The following PNLDC1 variants were observed in gnomAD, a reference collection of about 807,000 sequenced individuals.
PNLDC1 encodes PARN like ribonuclease domain containing exonuclease 1.
Under a neutral mutation model 82.0 loss-of-function variants are expected in PNLDC1, and 70 were observed. The ratio of observed to expected loss-of-function variants is 0.85; its 90% CI spans 0.70 to 1.04. PNLDC1 has a LOEUF of 1.04. Among genes scored for constraint, PNLDC1 ranks in the 50% least tolerant of loss-of-function variants. The pLI, the probability that PNLDC1 is intolerant of heterozygous loss-of-function variation, is 0.00. For missense variants in PNLDC1, 631 were observed against 661.1 expected (o/e 0.95, Z 0.50); for synonymous variants, 280 against 249.3 (o/e 1.12, Z -1.16).
intron 11 of PNLDC1, among the ~76,000 whole-genome samples, chr6:159,813,204 T>C (rs760363479): frequency 5.9e-5 from 9 of 152,238 alleles, no homozygotes; most frequent in Non-Finnish European, 1.2e-4. Flanking sequence ...TATTTCCAGC[T>C]ACTATGAACT....
Position 159,820,702 on chromosome 6 carries a change from G to T in PNLDC1, c.*185G>T, listed in dbSNP as rs73589383. ...AATGATAAATCAGTCCTTAGATATC[G>T]TACCTGTATGTGTGGTCAGAACTTT... On this transcript the variant is annotated 3_prime_UTR_variant, in exon 19 of 19. Transcript: ENST00000392167. The T allele has an allele frequency of 3.3e-6, 2 of 613,638 alleles. No homozygotes were observed. Among genetic ancestry groups the T allele is most frequent in the Non-Finnish European group, 5.8e-6 (2 of 345,584 alleles). The allele number at this position is 613,638 out of a possible 1,614,324, so 38.0% of individuals were successfully genotyped here. A position where few individuals can be genotyped will look rare whatever the true frequency, so the allele number is the denominator to read the frequency against.
Position 159,800,313 on chromosome 6 carries a change from C to T in PNLDC1, c.6C>T (p.Asp2=), listed in dbSNP as rs1242053081. ...CTCCGCGGAGCTGCACGGCCATGGA[C>T]GTGGGCGCCGACGAGTTCGAGGAGA... is the stretch of plus-strand genomic sequence containing the variant. M[D]VGADEFEESL... The change falls in exon 1 of 19, where the codon GAC becomes GAT. Residue 2 remains aspartate (D), a synonymous_variant. Transcript: ENST00000392167. 1.5e-5 allele frequency: 23 copies of T among 1,547,066 alleles called. No homozygotes were observed. The highest frequency in any genetic ancestry group is 2.0e-5 in the Non-Finnish European group (23 of 1,145,872).
chr6:159,811,285 A>G lies in PNLDC1; in HGVS notation c.854-416A>G, dbSNP rs117247974. ...ATAACTTTACCAACTGAGTTCTTGC[A>G]TAAATTTTCTTTTATCAGGACACTT... On this transcript the variant is annotated intron_variant, in intron 10 of 18. Transcript: ENST00000392167. Among the ~76,000 whole-genome samples, 18 of 152,350 alleles carry G rather than the reference A, an allele frequency of 1.2e-4. 1 individual carries two copies. The East Asian group carries it at 3.5e-3, about 29-fold the overall frequency.
chr6:159,819,610 G>T lies in PNLDC1; in HGVS notation c.1532+258G>T, dbSNP rs1583187371. ...ATCCCTGCTCTCGTGGAGCTCACGTGCTGGGGGAGACAAACAGGATAAACA... is the reference window on the plus strand; with the variant it reads ...ATCCCTGCTCTCGTGGAGCTCACGTTCTGGGGGAGACAAACAGGATAAACA... On this transcript the variant is annotated intron_variant, in intron 18 of 18. Coordinates refer to ENST00000392167, the MANE Select transcript of PNLDC1 (RefSeq NM_001271862.2). This position sits in a 1 kb window ranked among gnomAD's most constrained non-coding sequence, Gnocchi z 4.6. Among the ~76,000 whole-genome samples, 1 of 152,242 alleles carries T rather than the reference G, an allele frequency of 6.6e-6. No homozygotes were observed. The highest frequency in any genetic ancestry group is 1.5e-5 in the Non-Finnish European group (1 of 68,044).
rs111502653 is a variant in PNLDC1, at chr6:159,819,565, C to T, written c.1532+213C>T. Among the ~76,000 whole-genome samples, 51 of 152,326 alleles carry T rather than the reference C, an allele frequency of 3.3e-4. 1 individual carries two copies. The highest frequency in any genetic ancestry group is 6.8e-3 in the Middle Eastern group (2 of 294). On this transcript the variant is annotated intron_variant, in intron 18 of 18. Coordinates refer to ENST00000392167, the MANE Select transcript of PNLDC1 (RefSeq NM_001271862.2). The surrounding 1 kb of genome is among the most constrained non-coding windows in gnomAD (Gnocchi z 4.6). ...GCTGGGCACCATCGTAGTTCTAGGG[C>T]CTCGTCAGTGAAGCAGAAAATCCCT... is the stretch of plus-strand genomic sequence containing the variant.
chr6:159,814,987 AG>A (rs1781766522), intron 12 of PNLDC1, among the ~76,000 whole-genome samples: 1 of 152,194 alleles, frequency 6.6e-6, no homozygotes, highest in Non-Finnish European at 1.5e-5. Flanking sequence ...TGGGGACATT[AG>A]GGGTCAGGAG....
In PNLDC1 at chr6:159,819,953, G is replaced by T. The variant is rs1781981585; in HGVS notation, c.1533-501G>T. Among the ~76,000 whole-genome samples the T allele has an allele frequency of 6.6e-6, 1 of 152,144 alleles. No homozygotes were observed. ...GAATCGCGGAAGTTACAGCAAGAAG[G>T]TCTATAACCCGACTCAGGTTGTCTT... On this transcript the variant is annotated intron_variant, in intron 18 of 18. Coordinates refer to ENST00000392167, the MANE Select transcript of PNLDC1 (RefSeq NM_001271862.2). This position sits in a 1 kb window ranked among gnomAD's most constrained non-coding sequence, Gnocchi z 4.6.
At position 159,803,969 on chromosome 6, in the gene PNLDC1, A is replaced by G. The variant is rs927874749; in HGVS notation, c.253A>G (p.Ile85Val). ...SAIEGEANKY[I>V]AHSCNFYLFP... ...TGTATGTTTGTTTTATTATAGGTAT[A>G]TAGCCCATTCTTGTAACTTCTATCT... Residue 85 changes from isoleucine (I) to valine (V), a missense_variant, in exon 5 of 19, where the codon ATA becomes GTA. Ile to Val is a conservative substitution (Grantham distance 29, BLOSUM62 3). Transcript: ENST00000392167. 3.7e-6 allele frequency: 6 copies of G among 1,613,578 alleles called. No individual in the cohort carries two copies. The highest frequency in any genetic ancestry group is 5.1e-6 in the Non-Finnish European group (6 of 1,179,680).
intron 12 of PNLDC1, among the ~76,000 whole-genome samples, chr6:159,814,719 C>T (rs140101886): frequency 3.3e-5 from 5 of 152,250 alleles, no homozygotes; most frequent in South Asian, 2.1e-4. Flanking sequence ...CCAGCTTTGC[C>T]ACTCACTGGT....
Position 159,803,317 on chromosome 6 carries a change from A to G in PNLDC1, c.248+7A>G. ...TTGAAGGAGAGGCAAACAAGTATGT[A>G]TCAAGAGCTTCTGCAAACATAGGTG... On this transcript the variant is annotated splice_region_variant and intron_variant, in intron 4 of 18. Coordinates refer to ENST00000392167, the MANE Select transcript of PNLDC1 (RefSeq NM_001271862.2). The G allele has an allele frequency of 3.7e-6, 6 of 1,612,192 alleles. No homozygotes were observed. Among genetic ancestry groups the G allele is most frequent in the Non-Finnish European group, 5.1e-6 (6 of 1,178,332 alleles).
intron 3 of PNLDC1, among the ~76,000 whole-genome samples, chr6:159,802,653 TCCCTGCAACAC>T (rs1415791258): frequency 3.3e-5 from 5 of 152,184 alleles, no homozygotes; most frequent in African/African-American, 1.2e-4. Flanking sequence ...CGATCTTGGC[TCCCTGCAACAC>T]CCTTGCCTCC....
At position 159,811,800 on chromosome 6, in the gene PNLDC1, C is replaced by T. The variant is rs760337244; in HGVS notation, c.939+14C>T. ...GATATCTGGAAGGTAATGAATAGAACTGCTTTGGGTTAAGAACTGCTTTTT... is the reference window on the plus strand; with the variant it reads ...GATATCTGGAAGGTAATGAATAGAATTGCTTTGGGTTAAGAACTGCTTTTT... On this transcript the variant is annotated intron_variant, in intron 11 of 18. Coordinates refer to ENST00000392167, the MANE Select transcript of PNLDC1 (RefSeq NM_001271862.2). The T allele has an allele frequency of 1.3e-6, 2 of 1,584,290 alleles. No homozygotes were observed. Among genetic ancestry groups the T allele is most frequent in the Non-Finnish European group, 1.7e-6 (2 of 1,153,390 alleles).
chr6:159,811,645 T>C, intron 10 of PNLDC1, 56 bp from the exon 11 acceptor site: 3 of 1,393,924 alleles, frequency 2.2e-6, no homozygotes, highest in Non-Finnish European at 3.1e-6. Context: ...GAATGTTCCT[T>C]CCCATTTTTG....
chr6:159,800,431 C>G, intron 1 of PNLDC1, 48 bp downstream of exon 1: 1 of 1,526,896 alleles, frequency 6.5e-7, no homozygotes, highest in Non-Finnish European at 8.8e-7. Context: ...CCCCTTGCCC[C>G]GGGCGAGCTT....
chr6:159,809,135 C>G lies in PNLDC1; in HGVS notation c.760C>G (p.Gln254Glu), dbSNP rs371427574. 16 of 1,613,872 alleles carry G rather than the reference C, an allele frequency of 9.9e-6. No homozygotes were observed. Among genetic ancestry groups the G allele is most frequent in the Non-Finnish European group, 1.4e-5 (16 of 1,179,990 alleles). Residue 254 changes from glutamine to glutamate, a missense_variant, in exon 9 of 19, where the codon CAA becomes GAA. Coordinates refer to ENST00000392167, the MANE Select transcript of PNLDC1 (RefSeq NM_001271862.2). ...LSARGFSVFF[Q>E]MLVKAQKPLV... ...AGCAAGGGGTTTTTCTGTCTTTTTC[C>G]AAATGCTGGTGAAAGCCCAGAAGGT...
At chr6:159,816,085 G>A (rs1781805360) in intron 13 of PNLDC1, 52 bp downstream of exon 13, 1 of 1,183,822 alleles carries the variant, frequency 8.4e-7, no homozygotes, top group Admixed American at 2.5e-5. Flanking sequence ...GTGCTGAGGT[G>A]CTCAGCTGAG....
chr6:159,805,245 C>T (rs1405178878), intron 6 of PNLDC1, among the ~76,000 whole-genome samples: 2 of 152,194 alleles, frequency 1.3e-5, no homozygotes, highest in Non-Finnish European at 2.9e-5. Context: ...AGAGCAACAG[C>T]ATTGTGGGTA....
In PNLDC1 at chr6:159,801,098, C is replaced by T; in HGVS notation, c.135-15C>T. ...ATGTCATTGCTCGTGGAATGAGATGCCTGTTTGTTCACAGTCTTTTTGATT... is the reference window on the plus strand; with the variant it reads ...ATGTCATTGCTCGTGGAATGAGATGTCTGTTTGTTCACAGTCTTTTTGATT... On this transcript the variant is annotated splice_polypyrimidine_tract_variant and intron_variant, in intron 2 of 18. Coordinates refer to ENST00000392167, the MANE Select transcript of PNLDC1 (RefSeq NM_001271862.2). 2 of 1,613,798 alleles carry T rather than the reference C, an allele frequency of 1.2e-6. No homozygotes were observed. The highest frequency in any genetic ancestry group is 1.7e-6 in the Non-Finnish European group (2 of 1,179,662).
At chr6:159,808,854 T>C (rs759690327) in intron 8 of PNLDC1, 38 bp downstream of exon 8, 14 of 1,606,810 alleles carry the variant, frequency 8.7e-6, no homozygotes, top group Non-Finnish European at 1.1e-5. Context: ...AGTGGCTCCA[T>C]TGTTTCTCTC....
Sources: gnomAD v4.1 joint callset for allele counts (sites outside exome capture counted in the v4.1 genomes callset) on GRCh38, gnomAD v4.1.1 for gene constraint, Gnocchi (gnomAD v3.1) non-coding constraint, MANE v1.5 for transcripts, NCBI Gene and HGNC (gene_info 2026-07-23, HGNC 2026-07-21) for gene names.